The following CNOT1 variants were observed in gnomAD, a reference collection of about 807,000 sequenced individuals.
The protein encoded by CNOT1 is CCR4-NOT transcription complex subunit 1, also known as CCR4-associated factor 1.
A neutral mutation model predicts 273.8 loss-of-function variants in CNOT1; 15 were observed. That is an observed-to-expected ratio of 0.05 (90% CI 0.04 to 0.08). The LOEUF (loss-of-function observed/expected upper bound fraction) is 0.08. Among genes scored for constraint, CNOT1 ranks in the 10% least tolerant of loss-of-function variants. The pLI is 1.00. For missense variants in CNOT1, 1,644 were observed against 2,912.2 expected, an observed-to-expected ratio of 0.56 and a Z score of 10.02; for synonymous variants, 1,022 against 1,005.5, an observed-to-expected ratio of 1.02 and a Z score of -0.31.
chr16:58,612,110 A>G (rs1236024664), intron 1 of CNOT1, among the ~76,000 whole-genome samples: 3 of 152,120 alleles, frequency 2.0e-5, no homozygotes, highest in Non-Finnish European at 4.4e-5. Flanking sequence ...TTGGACCTAC[A>G]AGAATGTGCC....
At chr16:58,564,385 G>A (rs2040965615) in intron 16 of CNOT1, among the ~76,000 whole-genome samples, 1 of 151,954 alleles carries the variant, frequency 6.6e-6, no homozygotes, top group Non-Finnish European at 1.5e-5. Context: ...AGTGCCATGG[G>A]TTAGAAAAAC....
chr16:58,577,175 T>C (rs779463311), intron 13 of CNOT1, among the ~76,000 whole-genome samples: 6 of 152,086 alleles, frequency 3.9e-5, no homozygotes, highest in Non-Finnish European at 7.3e-5. Context: ...TGAGTATTTA[T>C]CATAGAAGCA....
intron 48 of CNOT1, 21 bp downstream of exon 48, chr16:58,521,158 CAATT>C: frequency 3.7e-6 from 6 of 1,612,918 alleles, no homozygotes; most frequent in Non-Finnish European, 5.1e-6. Context: ...CATTCCTAGA[CAATT>C]AAAAATTACT....
intron 19 of CNOT1, 77 bp downstream of exon 19, chr16:58,556,770 T>A: frequency 6.4e-7 from 1 of 1,555,638 alleles, no homozygotes; most frequent in Admixed American, 1.9e-5. Flanking sequence ...CACATGGCCC[T>A]ACTAACACAA....
At chr16:58,561,676 C>A (rs1413209922) in intron 16 of CNOT1, among the ~76,000 whole-genome samples, 1 of 152,008 alleles carries the variant, frequency 6.6e-6, no homozygotes, top group African/African-American at 2.4e-5. Flanking sequence ...TTTTGAATGC[C>A]AATGTTTAAA....
At position 58,581,450 on chromosome 16, in the gene CNOT1, G is replaced by A. The variant is rs762659644; in HGVS notation, c.1110C>T (p.Asp370=). The change falls in exon 11 of 49, where the codon GAC becomes GAT. Residue 370 remains aspartate (D), a synonymous_variant. Coordinates refer to ENST00000317147, the MANE Select transcript of CNOT1 (RefSeq NM_016284.5). ...ELDHPGFQIR[D]SKGLHNVVYG... is the part of the protein sequence containing the mutation. ...AAACCACATTATGAAGTCCTTTACT[G>A]TCACGAATTTGAAATCCAGGATGGT... is the stretch of plus-strand genomic sequence containing the variant. 1.2e-6 allele frequency: 2 copies of A among 1,613,952 alleles called. No individual in the cohort carries two copies. The highest frequency in any genetic ancestry group is 1.1e-5 in the South Asian group (1 of 91,068).
intron 2 of CNOT1, 53 bp from the exon 3 acceptor site, chr16:58,588,959 A>T (rs903018188): frequency 6.6e-7 from 1 of 1,509,038 alleles, no homozygotes; most frequent in Admixed American, 2.5e-5. Flanking sequence ...ACAAAAAAAA[A>T]AAGTAAGGTT....
chr16:58,614,395 T>A (rs895671524), intron 1 of CNOT1, among the ~76,000 whole-genome samples: 1 of 125,114 alleles, frequency 8.0e-6, no homozygotes, highest in African/African-American at 2.7e-5. Context: ...AACACCGGCT[T>A]TCTATCTAGA....
At chr16:58,612,613 C>A (rs138222151) in intron 1 of CNOT1, among the ~76,000 whole-genome samples, 1 of 152,218 alleles carries the variant, frequency 6.6e-6, no homozygotes, top group African/African-American at 2.4e-5. Context: ...GTGGCATGCA[C>A]CTGTAATCCC....
chr16:58,546,882 A>G (rs1345363941), intron 27 of CNOT1, 133 bp from the exon 28 acceptor site: 16 of 1,199,666 alleles, frequency 1.3e-5, no homozygotes, highest in Non-Finnish European at 1.9e-5. Flanking sequence ...GGATTAAAAA[A>G]TAACCAAAAA....
At chr16:58,529,690 A>C (rs1447804232) in intron 43 of CNOT1, among the ~76,000 whole-genome samples, 1 of 151,834 alleles carries the variant, frequency 6.6e-6, no homozygotes, top group Non-Finnish European at 1.5e-5. Context: ...AAATACAAAA[A>C]ATTAGCCAGG....
intron 47 of CNOT1, chr16:58,522,925 T>C (rs1229711376): frequency 1.3e-5 from 2 of 152,766 alleles, no homozygotes; most frequent in Non-Finnish European, 2.9e-5. Flanking sequence ...GTATCCCACA[T>C]TTAACACATT....
intron 18 of CNOT1, 98 bp downstream of exon 18, chr16:58,558,374 CT>C: frequency 6.5e-7 from 1 of 1,548,758 alleles, no homozygotes; most frequent in Admixed American, 2.0e-5. Flanking sequence ...ATTTAAGCAG[CT>C]TTCCTTATCA....
rs1400816360 is a variant in CNOT1, at chr16:58,546,729, A to T, written c.3771T>A (p.Pro1257=). The part of the protein sequence containing the change: ...IRSVVFRPPN[P]WTMAIMNVLA... ...ATACATTCATAATTGCCATTGTCCA[A>T]GGGTTTGGTGGCCTAAAAACCTAAA... The change falls in exon 28 of 49, where the codon CCT becomes CCA. Residue 1257 remains proline (P), a synonymous_variant. Transcript: ENST00000317147. 1.2e-6 allele frequency: 2 copies of T among 1,613,930 alleles called. No individual in the cohort carries two copies. Among genetic ancestry groups the T allele is most frequent in the South Asian group, 2.2e-5 (2 of 91,080 alleles).
chr16:58,525,388 T>C (rs2039549864), intron 45 of CNOT1, 29 bp from the exon 46 acceptor site: 1 of 1,597,202 alleles, frequency 6.3e-7, no homozygotes, highest in Non-Finnish European at 8.6e-7. Context: ...GAACTCCTTA[T>C]GCTTACTCCT....
chr16:58,586,414 A>AAGGGGAGGAGG, intron 7 of CNOT1, 131 bp downstream of exon 7: 1 of 47,902 alleles, frequency 2.1e-5, no homozygotes, highest in East Asian at 1.6e-4. Flanking sequence ...AGGGGAGGGG[A>AAGGGGAGGAGG]GGGCAGGGAG....
intron 1 of CNOT1, among the ~76,000 whole-genome samples, chr16:58,629,431 C>T (rs1301996249): frequency 1.3e-5 from 2 of 152,150 alleles, no homozygotes; most frequent in East Asian, 3.9e-4. Context: ...CCCTGAGCCT[C>T]CAGGCCCGGG....
At chr16:58,610,966 G>A (rs2042877948) in intron 1 of CNOT1, among the ~76,000 whole-genome samples, 1 of 151,450 alleles carries the variant, frequency 6.6e-6, no homozygotes, top group Admixed American at 6.6e-5. Flanking sequence ...AAACCCAGGA[G>A]GTGGAGGTTG....
rs2040776246 is a variant in CNOT1, at chr16:58,560,026, C to T, written c.2130+186G>A. 25 of 1,450,860 alleles carry T rather than the reference C, an allele frequency of 1.7e-5. 1 individual carries two copies. The South Asian group carries it at 2.7e-4, about 16-fold the overall frequency. The allele number at this position is 1,450,860 out of a possible 1,614,324, so 89.9% of individuals were successfully genotyped here. ...GTATATTTCCTCTTAGAGTCACGTT[C>T]TATTTGATGATAAAATCTATTGTTA... On this transcript the variant is annotated intron_variant, in intron 17 of 48. Transcript: ENST00000317147.
Sources: allele counts gnomAD v4.1 joint callset (sites outside exome capture counted in the v4.1 genomes callset), GRCh38; gene constraint gnomAD v4.1.1; transcripts MANE v1.5; gene names NCBI Gene and HGNC (gene_info 2026-07-23, HGNC 2026-07-21).